Variants in PLXDC2 observed in about 807,000 individuals in gnomAD.
The protein encoded by PLXDC2 is plexin domain-containing protein 2.
Under a neutral mutation model 68.9 loss-of-function variants are expected in PLXDC2, and 40 were observed. That is an observed-to-expected ratio of 0.58 (90% CI 0.45 to 0.76). The LOEUF is 0.76. PLXDC2 is among the 30% of genes least tolerant of loss of function. The pLI, the probability that PLXDC2 is intolerant of heterozygous loss-of-function variation, is 0.00. For missense variants in PLXDC2, 644 were observed against 661.9 expected (o/e 0.97, Z 0.30); for synonymous variants, 243 against 234.2 (o/e 1.04, Z -0.34).
intron 1 of PLXDC2, among the ~76,000 whole-genome samples, chr10:19,836,683 C>T (rs532751238): frequency 6.6e-6 from 1 of 152,300 alleles, no homozygotes; most frequent in African/African-American, 2.4e-5. Context: ...ATAACAGCTG[C>T]ATTCAAGACC....
rs80181777 is a variant in PLXDC2, at chr10:20,042,776, A to G, written c.325-4093A>G. On this transcript the variant is annotated intron_variant, in intron 2 of 13. Transcript: ENST00000377252. ...TAGATCGATTGCTACAGAATGGCTA[A>G]GCTGTAGTTATGATAACTTTTCCTC... 4.8e-3 allele frequency among the ~76,000 whole-genome samples: 724 copies of G among 152,246 alleles called. 1 individual carries two copies. The highest frequency in any genetic ancestry group is 7.2e-3 in the Non-Finnish European group (487 of 67,996).
chr10:19,857,339 C>T (rs921981746), intron 1 of PLXDC2, among the ~76,000 whole-genome samples: 2 of 152,138 alleles, frequency 1.3e-5, no homozygotes, highest in Non-Finnish European at 2.9e-5. Context: ...CATCTGCAAC[C>T]GACACACTTC....
intron 4 of PLXDC2, among the ~76,000 whole-genome samples, chr10:20,072,862 A>G (rs969586771): frequency 5.9e-5 from 9 of 152,230 alleles, no homozygotes; most frequent in Admixed American, 2.6e-4. Flanking sequence ...AACAGCTTCA[A>G]GGACTTCTGA....
intron 3 of PLXDC2, among the ~76,000 whole-genome samples, chr10:20,056,086 C>A (rs1835993178): frequency 6.6e-6 from 1 of 152,138 alleles, no homozygotes; most frequent in African/African-American, 2.4e-5. Flanking sequence ...AATTCCCTGT[C>A]AATTTCATCC....
At chr10:19,991,505 G>A (rs776107023) in intron 1 of PLXDC2, among the ~76,000 whole-genome samples, 28 of 151,940 alleles carry the variant, frequency 1.8e-4, no homozygotes, top group Middle Eastern at 3.4e-3. Context: ...AATCAGAATG[G>A]GAACTGGGTA....
chr10:20,093,569 A>T (rs567017512), intron 4 of PLXDC2, among the ~76,000 whole-genome samples: 1 of 152,282 alleles, frequency 6.6e-6, no homozygotes, highest in African/African-American at 2.4e-5. Flanking sequence ...TCAGTTAAGG[A>T]AATAAAGAAC....
chr10:20,077,254 A>T (rs910794141), intron 4 of PLXDC2, among the ~76,000 whole-genome samples: 2 of 152,196 alleles, frequency 1.3e-5, no homozygotes, highest in Non-Finnish European at 2.9e-5. Context: ...TCCAATTTCT[A>T]TGTGACATTT....
At chr10:19,864,342 G>A (rs1249867526) in intron 1 of PLXDC2, among the ~76,000 whole-genome samples, 1 of 152,076 alleles carries the variant, frequency 6.6e-6, no homozygotes, top group East Asian at 1.9e-4. Flanking sequence ...AATGATTTCA[G>A]CTGATTAATC....
chr10:19,828,180 G>T (rs1461072041), intron 1 of PLXDC2, among the ~76,000 whole-genome samples: 2 of 152,158 alleles, frequency 1.3e-5, no homozygotes, highest in African/African-American at 2.4e-5. Flanking sequence ...CTCCAATCAA[G>T]ACTTTGTCTT....
chr10:20,050,418 A>C (rs1467136960), intron 3 of PLXDC2, among the ~76,000 whole-genome samples: 2 of 152,172 alleles, frequency 1.3e-5, no homozygotes, highest in Non-Finnish European at 2.9e-5. Flanking sequence ...CAATAGGGTA[A>C]AGAGACATCC....
chr10:20,157,221 T>C (rs1415470632), intron 6 of PLXDC2, among the ~76,000 whole-genome samples: 1 of 152,226 alleles, frequency 6.6e-6, no homozygotes, highest in African/African-American at 2.4e-5. Flanking sequence ...TTGAGTTTAT[T>C]GTGGGATTTT....
intron 9 of PLXDC2, among the ~76,000 whole-genome samples, chr10:20,201,960 T>A (rs1242988792): frequency 2.0e-5 from 3 of 152,154 alleles, no homozygotes; most frequent in African/African-American, 7.2e-5. Flanking sequence ...TACTTTAGTT[T>A]GTGAATTTTT....
intron 3 of PLXDC2, among the ~76,000 whole-genome samples, chr10:20,059,085 G>A (rs1221779974): frequency 6.6e-6 from 1 of 152,140 alleles, no homozygotes; most frequent in East Asian, 1.9e-4. Context: ...GATCTGAATT[G>A]TAACAAGAAC....
At chr10:19,933,810 GA>G in intron 1 of PLXDC2, among the ~76,000 whole-genome samples, 1 of 118,306 alleles carries the variant, frequency 8.5e-6, no homozygotes, top group Admixed American at 1.2e-4. Context: ...AGGAGGGAGG[GA>G]AAAAAGGAAG....
At chr10:19,962,680 G>T (rs1463876939) in intron 1 of PLXDC2, among the ~76,000 whole-genome samples, 1 of 145,080 alleles carries the variant, frequency 6.9e-6, no homozygotes, top group African/African-American at 2.5e-5. Flanking sequence ...GAGAGCCACC[G>T]CGCCCGGCTC....
chr10:19,987,153 G>A (rs900653190), intron 1 of PLXDC2, among the ~76,000 whole-genome samples: 2 of 152,118 alleles, frequency 1.3e-5, no homozygotes, highest in African/African-American at 4.8e-5. Context: ...ATCCCATTTG[G>A]CTGGAGAGCC....
chr10:19,908,844 A>C (rs764092237), intron 1 of PLXDC2, among the ~76,000 whole-genome samples: 5 of 152,160 alleles, frequency 3.3e-5, no homozygotes, highest in Non-Finnish European at 7.3e-5. Context: ...GAGAGGCCCC[A>C]GAAAGCTCTG....
chr10:19,978,894 A>G (rs985299249), intron 1 of PLXDC2, among the ~76,000 whole-genome samples: 2 of 152,192 alleles, frequency 1.3e-5, no homozygotes, highest in African/African-American at 4.8e-5. Flanking sequence ...AGTTCTCATA[A>G]TTATTATTTC....
At chr10:20,130,319 A>G (rs185792301) in intron 4 of PLXDC2, among the ~76,000 whole-genome samples, 54 of 152,222 alleles carry the variant, frequency 3.5e-4, no homozygotes, top group African/African-American at 1.3e-3. Context: ...TTGTTAGTGT[A>G]TAGAAACACA....
Sources: gnomAD v4.1 joint callset for allele counts (sites outside exome capture counted in the v4.1 genomes callset) on GRCh38, gnomAD v4.1.1 for gene constraint, MANE v1.5 for transcripts, NCBI Gene and HGNC (gene_info 2026-07-23, HGNC 2026-07-21) for gene names.